GALNT9: variants seen among roughly 807,000 people sequenced by gnomAD.
GALNT9 encodes polypeptide N-acetylgalactosaminyltransferase 9, also known as GalNAc transferase 9.
A neutral mutation model predicts 63.1 loss-of-function variants in GALNT9; 47 were observed. The ratio of observed to expected loss-of-function variants is 0.75; its 90% CI spans 0.59 to 0.95. The LOEUF (loss-of-function observed/expected upper bound fraction) is 0.95, where lower values mean the gene tolerates loss of function less well. Among genes scored for constraint, GALNT9 ranks in the 40% least tolerant of loss-of-function variants. The pLI is 0.00. For synonymous variants in GALNT9, 396 were observed against 365.7 expected (o/e 1.08, Z -0.94); for missense variants, 829 against 874.8 (o/e 0.95, Z 0.66).
chr12:132,248,153 C>T, intron 5 of GALNT9, 126 bp from the exon 6 acceptor site: 1 of 1,373,904 alleles, frequency 7.3e-7, no homozygotes, highest in South Asian at 1.5e-5. Context: ...TCCCTGTGCA[C>T]TCAGGTCCCT....
chr12:132,199,260 T>C lies in GALNT9; in HGVS notation c.1411A>G (p.Ser471Gly), dbSNP rs1375884368. The C allele has an allele frequency of 6.2e-7, 1 of 1,603,210 alleles. No homozygotes were observed. Among genetic ancestry groups the C allele is most frequent in the South Asian group, 1.1e-5 (1 of 91,028 alleles). The change falls in exon 9 of 11, where the codon AGC becomes GGC. Residue 471 changes from serine to glycine, a missense_variant. Transcript: ENST00000328957. Reference protein sequence around the residue: ...NTLTYGEVRNSKASAYCLDQG... With the variant: ...NTLTYGEVRNGKASAYCLDQG... ...TCCAGACAGTAGGCACTGGCTTTGCTGTTTCTCACCTGCAAGCAGAAGCCC... is the reference window on the plus strand; with the variant it reads ...TCCAGACAGTAGGCACTGGCTTTGCCGTTTCTCACCTGCAAGCAGAAGCCC...
At chr12:132,244,236 G>A (rs1294268139) in intron 6 of GALNT9, among the ~76,000 whole-genome samples, 1 of 109,668 alleles carries the variant, frequency 9.1e-6, no homozygotes, top group Non-Finnish European at 1.8e-5. Flanking sequence ...AGCATCTGAG[G>A]GCCCGGCAGG....
chr12:132,240,618 C>T (rs2136898884), intron 6 of GALNT9: 36 of 455,210 alleles, frequency 7.9e-5, no homozygotes, highest in Non-Finnish European at 1.3e-4. Context: ...CCCCGGGGCT[C>T]GGCTGTGCTC....
chr12:132,267,089 G>A (rs1879629231), intron 2 of GALNT9, among the ~76,000 whole-genome samples: 1 of 152,218 alleles, frequency 6.6e-6, no homozygotes, highest in Non-Finnish European at 1.5e-5. Flanking sequence ...GAGGTGGCAT[G>A]TGGGCGCAGA....
Position 132,327,292 on chromosome 12 carries a change from C to T in GALNT9, c.238+1674G>A, listed in dbSNP as rs1295095952. 2.1e-5 allele frequency among the ~76,000 whole-genome samples: 2 copies of T among 93,234 alleles called. No homozygotes were observed. Among genetic ancestry groups the T allele is most frequent in the Admixed American group, 1.3e-4 (1 of 7,770 alleles). 61.2% of individuals were successfully genotyped at this position (93,234 alleles called of 152,430 possible). ...GGGAGAAGGCAGTGGGGGCGGTGGG[C>T]GGTGGGGGGAGACACACTTTCCCGG... On this transcript the variant is annotated intron_variant, in intron 1 of 10. Transcript: ENST00000328957. This position sits in a 1 kb window ranked among gnomAD's most constrained non-coding sequence, Gnocchi z 4.3.
chr12:132,199,480 C>T (rs144230229), intron 8 of GALNT9, among the ~76,000 whole-genome samples: 2 of 152,244 alleles, frequency 1.3e-5, no homozygotes, highest in East Asian at 1.9e-4. Context: ...CCGCCATGCA[C>T]AGATGGAGAC....
At position 132,236,817 on chromosome 12, in the gene GALNT9, G is replaced by C. The variant is rs1555236369; in HGVS notation, c.1077+11093C>G. Among the ~76,000 whole-genome samples the C allele has an allele frequency of 6.6e-6, 1 of 152,170 alleles. No individual in the cohort carries two copies. Among genetic ancestry groups the C allele is most frequent in the Admixed American group, 6.5e-5 (1 of 15,284 alleles). On this transcript the variant is annotated intron_variant, in intron 6 of 10. Transcript: ENST00000328957. This position sits in a 1 kb window ranked among gnomAD's most constrained non-coding sequence, Gnocchi z 5.6. ...GATCCCTGTGGTCTATCCTGGGCAT[G>C]GCGGCCCCTCATGCCCGTTTTCCCA...
At chr12:132,228,539 G>A (rs953023325) in intron 6 of GALNT9, among the ~76,000 whole-genome samples, 28 of 150,266 alleles carry the variant, frequency 1.9e-4, no homozygotes, top group African/African-American at 5.5e-4. Flanking sequence ...TGCCTCTGGC[G>A]AGACAGGGCT....
rs1878965826 is a variant in GALNT9, at chr12:132,252,614, C to T, written c.960-4587G>A. Among the ~76,000 whole-genome samples the T allele has an allele frequency of 6.6e-6, 1 of 152,204 alleles. No individual in the cohort carries two copies. Among genetic ancestry groups the T allele is most frequent in the Non-Finnish European group, 1.5e-5 (1 of 68,038 alleles). On this transcript the variant is annotated intron_variant, in intron 5 of 10. Transcript: ENST00000328957. This position sits in a 1 kb window ranked among gnomAD's most constrained non-coding sequence, Gnocchi z 5.2. ...GGAGACCTGGCTGGGCGCACTGGCT[C>T]ATGCCTGTAATCCCAGCACTTTGGG...
At chr12:132,226,966 A>G (rs902046758) in intron 6 of GALNT9, among the ~76,000 whole-genome samples, 1 of 148,482 alleles carries the variant, frequency 6.7e-6, no homozygotes, top group Non-Finnish European at 1.5e-5. Flanking sequence ...TACACACTGT[A>G]TACACACCCC....
Position 132,201,594 on chromosome 12 carries a change from A to G in GALNT9, c.1264-333T>C, listed in dbSNP as rs117307771. ...GGCCCTGCTCACCTGGCCTTACTGC[A>G]CGGCATCAGCCTGACCTCTGGAGGG... is the stretch of plus-strand genomic sequence containing the variant. On this transcript the variant is annotated intron_variant, in intron 7 of 10. Transcript: ENST00000328957. Among the ~76,000 whole-genome samples the G allele has an allele frequency of 4.4e-3, 675 of 152,186 alleles. 15 individuals carry two copies. The East Asian group carries it at 0.065, about 15-fold the overall frequency.
At chr12:132,326,169 T>A (rs1283379962) in intron 1 of GALNT9, among the ~76,000 whole-genome samples, 2 of 150,114 alleles carry the variant, frequency 1.3e-5, no homozygotes, top group African/African-American at 4.9e-5. Flanking sequence ...GACAACTGAA[T>A]GGAGACAGTT....
intron 1 of GALNT9, among the ~76,000 whole-genome samples, chr12:132,321,219 TG>T (rs1555246110): frequency 5.9e-4 from 17 of 28,936 alleles, no homozygotes; most frequent in Middle Eastern, 0.014. Flanking sequence ...GAGGCCCCTG[TG>T]GGTCTGGAGT....
chr12:132,270,764 TGTG>T (rs1184671801), intron 2 of GALNT9, among the ~76,000 whole-genome samples: 1 of 151,946 alleles, frequency 6.6e-6, no homozygotes, highest in African/African-American at 2.4e-5. Flanking sequence ...TGCCAGGAAA[TGTG>T]GTCTTCACTC....
intron 2 of GALNT9, among the ~76,000 whole-genome samples, chr12:132,272,416 C>T (rs1365076901): frequency 6.6e-6 from 1 of 152,232 alleles, no homozygotes. Context: ...TACTGCCGGG[C>T]GCTTAAATTA....
At chr12:132,201,380 A>AG in intron 7 of GALNT9, 119 bp from the exon 8 acceptor site, 6 of 647,358 alleles carry the variant, frequency 9.3e-6, no homozygotes, top group Non-Finnish European at 1.6e-5. Flanking sequence ...CCTCCCCCCC[A>AG]GTATTCAGAT....
In GALNT9 at chr12:132,310,192, G is replaced by A. The variant is rs1881762494; in HGVS notation, c.238+18774C>T. On this transcript the variant is annotated intron_variant, in intron 1 of 10. Coordinates refer to ENST00000328957, the MANE Select transcript of GALNT9 (RefSeq NM_001122636.2). This position sits in a 1 kb window ranked among gnomAD's most constrained non-coding sequence, Gnocchi z 4.8. ...ACCGAATGCCTCCAGCAGGAGGGGA[G>A]GAGCTGGGATTCACGTGGGGCTGGG... Among the ~76,000 whole-genome samples, 1 of 152,216 alleles carries A rather than the reference G, an allele frequency of 6.6e-6. No homozygotes were observed. The highest frequency in any genetic ancestry group is 1.5e-5 in the Non-Finnish European group (1 of 68,046).
intron 7 of GALNT9, among the ~76,000 whole-genome samples, chr12:132,202,368 G>A (rs1260371961): frequency 2.0e-5 from 3 of 152,322 alleles, no homozygotes; most frequent in Non-Finnish European, 2.9e-5. Flanking sequence ...ACGAGTGCAC[G>A]TGTCTACGGC....
intron 1 of GALNT9, among the ~76,000 whole-genome samples, 156 bp downstream of exon 1, chr12:132,328,810 G>T (rs1356620848): frequency 6.6e-6 from 1 of 152,230 alleles, no homozygotes; most frequent in Non-Finnish European, 1.5e-5. Flanking sequence ...GCTGCTGAAG[G>T]GGCTTCCGCG....
Sources: allele counts gnomAD v4.1 joint callset (sites outside exome capture counted in the v4.1 genomes callset), GRCh38; gene constraint gnomAD v4.1.1; non-coding constraint Gnocchi (gnomAD v3.1); transcripts MANE v1.5; gene names NCBI Gene and HGNC (gene_info 2026-07-23, HGNC 2026-07-21).